The following CDK5RAP2 variants were observed in gnomAD, a reference collection of about 807,000 sequenced individuals.
CDK5RAP2 encodes the protein CDK5 regulatory subunit-associated protein 2.
In CDK5RAP2, 147 loss-of-function variants were observed where a neutral mutation model predicts 232.9. The observed-to-expected ratio is 0.63, with a 90% confidence interval of 0.55 to 0.72. The LOEUF (loss-of-function observed/expected upper bound fraction) is 0.72, where lower values mean the gene tolerates loss of function less well. Ranked by LOEUF, CDK5RAP2 falls within the 30% of genes least tolerant of loss-of-function variation. CDK5RAP2 has a pLI of 0.00. For synonymous variants in CDK5RAP2, 833 were observed against 833.7 expected (o/e 1.00, Z 0.01); for missense variants, 2,195 against 2,231.5 (o/e 0.98, Z 0.33).
chr9:120,546,662 C>A (rs1184174125), intron 4 of CDK5RAP2, among the ~76,000 whole-genome samples: 1 of 152,034 alleles, frequency 6.6e-6, no homozygotes, highest in East Asian at 1.9e-4. Context: ...CAGAGTCTTG[C>A]TCTGCTGTTG....
At chr9:120,412,117 T>C (rs541439646) in intron 28 of CDK5RAP2, among the ~76,000 whole-genome samples, 27 of 152,302 alleles carry the variant, frequency 1.8e-4, no homozygotes, top group Non-Finnish European at 3.7e-4. Context: ...CCTAAACAAA[T>C]TCCATTTAAG....
chr9:120,559,488 CAAAAAAAAAAA>C (rs558274119), intron 3 of CDK5RAP2, among the ~76,000 whole-genome samples: 1 of 48,884 alleles, frequency 2.0e-5, no homozygotes, highest in Non-Finnish European at 3.9e-5. Context: ...GACTCTGTCT[CAAAAAAAAAAA>C]AAAAAAAAAG....
intron 1 of CDK5RAP2, among the ~76,000 whole-genome samples, chr9:120,578,507 A>G (rs2043121523): frequency 6.6e-6 from 1 of 151,938 alleles, no homozygotes; most frequent in South Asian, 2.1e-4. Context: ...GTCCAGGTTT[A>G]CCCAAGATAG....
In CDK5RAP2 at chr9:120,400,869, G is replaced by T; in HGVS notation, c.5324C>A (p.Pro1775Gln). Residue 1775 changes from proline (P) to glutamine (Q), a missense_variant, in exon 35 of 38, where the codon CCA becomes CAA. Pro to Gln is a moderately conservative substitution (Grantham distance 76, BLOSUM62 -1). Transcript: ENST00000349780. ...CACACTGCTCACAAACTTGCTCAGTGGTGCTGGGTGTGGACCCTACACGGG... is the reference window on the plus strand; with the variant it reads ...CACACTGCTCACAAACTTGCTCAGTTGTGCTGGGTGTGGACCCTACACGGG... ...ELGTKGPHPA[P>Q]LSKFVSSVST... 1 of 1,614,116 alleles carries T rather than the reference G, an allele frequency of 6.2e-7. No individual in the cohort carries two copies. Among genetic ancestry groups the T allele is most frequent in the Non-Finnish European group, 8.5e-7 (1 of 1,180,010 alleles).
Position 120,464,955 on chromosome 9 carries a change from C to T in CDK5RAP2, c.2106+2905G>A, listed in dbSNP as rs116483683. On this transcript the variant is annotated intron_variant, in intron 18 of 37. Transcript: ENST00000349780. ...CTATTAACAGAATATTTAACAAGCA[C>T]CTTCTACTTCTGACAACCATTTCTG... Among the ~76,000 whole-genome samples, 649 of 152,288 alleles carry T rather than the reference C, an allele frequency of 4.3e-3. 3 individuals are homozygous for T. The highest frequency in any genetic ancestry group is 0.015 in the African/African-American group (625 of 41,550).
At chr9:120,572,084 A>G (rs1289694243) in intron 1 of CDK5RAP2, 43 bp from the exon 2 acceptor site, 1 of 1,425,054 alleles carries the variant, frequency 7.0e-7, no homozygotes, top group Admixed American at 1.7e-5. Flanking sequence ...TAATGTTTGA[A>G]CAACAGAGAC....
At chr9:120,511,074 A>G (rs1260109842) in intron 12 of CDK5RAP2, among the ~76,000 whole-genome samples, 1 of 152,236 alleles carries the variant, frequency 6.6e-6, no homozygotes, top group African/African-American at 2.4e-5. Flanking sequence ...TCAACTTCTC[A>G]GTGTTCGTGC....
chr9:120,395,502 C>G (rs534144064), intron 35 of CDK5RAP2, among the ~76,000 whole-genome samples: 1 of 152,194 alleles, frequency 6.6e-6, no homozygotes, highest in Non-Finnish European at 1.5e-5. Context: ...CATACATGCA[C>G]GGCGGAGCCC....
At chr9:120,514,946 C>A (rs748267381) in intron 12 of CDK5RAP2, among the ~76,000 whole-genome samples, 1 of 152,022 alleles carries the variant, frequency 6.6e-6, no homozygotes, top group African/African-American at 2.4e-5. Flanking sequence ...CAGAGGTATA[C>A]CTAAGAAAAT....
intron 12 of CDK5RAP2, among the ~76,000 whole-genome samples, chr9:120,514,936 CAG>C (rs1427517874): frequency 3.9e-5 from 6 of 152,124 alleles, no homozygotes. Context: ...TGTCTAACAA[CAG>C]AGGTATACCT....
chr9:120,506,720 G>A (rs1334917679), intron 12 of CDK5RAP2, among the ~76,000 whole-genome samples: 1 of 152,192 alleles, frequency 6.6e-6, no homozygotes, highest in East Asian at 1.9e-4. Flanking sequence ...AGAACTAGAA[G>A]TGGGGTCTAA....
intron 24 of CDK5RAP2, 46 bp downstream of exon 24, chr9:120,439,353 G>A: frequency 6.7e-7 from 1 of 1,487,912 alleles, no homozygotes; most frequent in Non-Finnish European, 9.4e-7. Context: ...TGGCAATACT[G>A]GGGGACTACA....
intron 34 of CDK5RAP2, chr9:120,401,117 C>T: frequency 3.7e-6 from 2 of 542,888 alleles, no homozygotes; most frequent in Middle Eastern, 5.0e-4. Context: ...TTAATAACCA[C>T]CATGGTTAAT....
chr9:120,547,698 G>A (rs960815651), intron 4 of CDK5RAP2, among the ~76,000 whole-genome samples: 2 of 152,204 alleles, frequency 1.3e-5, no homozygotes, highest in Non-Finnish European at 2.9e-5. Flanking sequence ...AGTACTTCAC[G>A]TTGAGAAGTA....
chr9:120,413,803 T>TGAGCGAG (rs1467634675), intron 28 of CDK5RAP2, among the ~76,000 whole-genome samples: 3 of 114,966 alleles, frequency 2.6e-5, no homozygotes, highest in Non-Finnish European at 5.3e-5. Context: ...ATGGGCGCAG[T>TGAGCGAG]GAGCGAGGAG....
chr9:120,519,279 G>A (rs983170463), intron 11 of CDK5RAP2, among the ~76,000 whole-genome samples: 1 of 151,790 alleles, frequency 6.6e-6, no homozygotes, highest in Non-Finnish European at 1.5e-5. Flanking sequence ...TCATAACTCT[G>A]TATTTTCAAA....
rs1317484615 is a variant in CDK5RAP2, at chr9:120,524,311, CAG to C, written c.1092+673_1092+674del. Among the ~76,000 whole-genome samples, 11 of 152,278 alleles carry C rather than the reference CAG, an allele frequency of 7.2e-5. 1 individual carries two copies. The South Asian group carries it at 1.0e-3, about 14-fold the overall frequency. ...GCTCTGCCACTTGCTAACTGTGTGA[CAG>C]TGAATAAGCTACACATGCTCCTGAG... On this transcript the variant is annotated intron_variant, in intron 11 of 37. Coordinates refer to ENST00000349780, the MANE Select transcript of CDK5RAP2 (RefSeq NM_018249.6).
intron 7 of CDK5RAP2, 22 bp from the exon 8 acceptor site, chr9:120,530,162 A>G (rs1379338370): frequency 1.3e-6 from 2 of 1,595,876 alleles, no homozygotes; most frequent in Admixed American, 3.3e-5. Context: ...CAAAATTTAA[A>G]TATTAATTCT....
At chr9:120,514,116 A>T (rs1267881967) in intron 12 of CDK5RAP2, among the ~76,000 whole-genome samples, 1 of 152,226 alleles carries the variant, frequency 6.6e-6, no homozygotes, top group Non-Finnish European at 1.5e-5. Context: ...GTGATGCAAC[A>T]TCTGTGCAAA....
Sources: allele counts gnomAD v4.1 joint callset (sites outside exome capture counted in the v4.1 genomes callset), GRCh38; gene constraint gnomAD v4.1.1; transcripts MANE v1.5; gene names NCBI Gene and HGNC (gene_info 2026-07-23, HGNC 2026-07-21).